Variants in MRPS23 observed in about 807,000 individuals in gnomAD.
The protein encoded by MRPS23 is mitochondrial ribosomal protein S23.
A neutral mutation model predicts 19.8 loss-of-function variants in MRPS23; 14 were observed. The observed-to-expected ratio is 0.71, with a 90% CI of 0.47 to 1.11. The LOEUF (loss-of-function observed/expected upper bound fraction) is 1.11, where lower values mean the gene tolerates loss of function less well. MRPS23 is among the 50% of genes least tolerant of loss of function. The probability of loss-of-function intolerance (pLI) is 0.00; values close to 1 mark genes in which losing one functional copy is unlikely to be tolerated. For missense variants in MRPS23, 242 were observed against 236.7 expected (o/e 1.02, Z -0.15); for synonymous variants, 113 against 89.7 (o/e 1.26, Z -1.47).
At chr17:57,847,479 G>A (rs1476432301) in intron 2 of MRPS23, among the ~76,000 whole-genome samples, 9 of 151,570 alleles carry the variant, frequency 5.9e-5, no homozygotes, top group African/African-American at 9.7e-5. Flanking sequence ...TGGCTAACAC[G>A]GTGAAACCCT....
chr17:57,846,529 G>A (rs1305629484), intron 2 of MRPS23, among the ~76,000 whole-genome samples: 1 of 152,222 alleles, frequency 6.6e-6, no homozygotes, highest in Non-Finnish European at 1.5e-5. Flanking sequence ...TGTCTGTGTG[G>A]AAAGAGGTAG....
chr17:57,846,220 G>T (rs578100839), intron 2 of MRPS23, among the ~76,000 whole-genome samples: 1 of 142,824 alleles, frequency 7.0e-6, no homozygotes, highest in East Asian at 2.0e-4. Context: ...GGCAGCCCCC[G>T]CCTGGCCAGC....
At chr17:57,845,113 G>T (rs2073764391) in intron 2 of MRPS23, among the ~76,000 whole-genome samples, 1 of 152,070 alleles carries the variant, frequency 6.6e-6, no homozygotes, top group Non-Finnish European at 1.5e-5. Context: ...GCCCAGGCTG[G>T]TTTCGAACTC....
intron 2 of MRPS23, among the ~76,000 whole-genome samples, chr17:57,842,879 AAT>A (rs1163576750): frequency 0.027 from 2,652 of 99,196 alleles, 84 homozygotes; most frequent in African/African-American, 0.056. Context: ...AAAAAAAAAA[AAT>A]ATATATATAT....
intron 2 of MRPS23, 103 bp downstream of exon 2, chr17:57,849,137 C>A: frequency 6.8e-7 from 1 of 1,471,184 alleles, no homozygotes; most frequent in Non-Finnish European, 9.2e-7. Flanking sequence ...CTCCACAGGG[C>A]AAACCCCTGA....
Position 57,838,935 on chromosome 17 carries a change from T to C in MRPS23, c.*848A>G, listed in dbSNP as rs1231166844. The C allele has an allele frequency of 1.3e-5, 2 of 152,238 alleles. No homozygotes were observed. The highest frequency in any genetic ancestry group is 2.4e-5 in the African/African-American group (1 of 41,450). 9.4% of individuals were successfully genotyped at this position (152,238 alleles called of 1,614,324 possible). A position where few individuals can be genotyped will look rare whatever the true frequency, so the allele number is the denominator to read the frequency against. On this transcript the variant is annotated 3_prime_UTR_variant, in exon 5 of 5. Coordinates refer to ENST00000313608, the MANE Select transcript of MRPS23 (RefSeq NM_016070.4). The stretch of plus-strand genomic sequence containing the variant: ...TACAAAGGCTGCAATCTCAGAGGGA[T>C]ATTTCATGTATTTAGTAAAACCTGG...
In MRPS23 at chr17:57,841,001, C is replaced by A. The variant is rs145979934; in HGVS notation, c.345G>T (p.Glu115Asp). Residue 115 changes from glutamate to aspartate, a missense_variant, in exon 4 of 5, where the codon GAG (glutamate) becomes GAT (aspartate). By Grantham distance (45) the Glu-to-Asp change is conservative. Transcript: ENST00000313608. The part of the protein sequence containing the change: ...ELQKLGETDE[E>D]KLFVETGKAL... ...CCTTCCCTGTTTCCACAAATAACTT[C>A]TCTTCATCTGTTTCTCCAAGTTTCT... The A allele has an allele frequency of 2.2e-5, 35 of 1,614,090 alleles. No individual in the cohort carries two copies. In the African/African-American group the frequency reaches 2.8e-4, roughly 13 times the overall value.
rs371617294 is a variant in MRPS23, at chr17:57,849,288, G to T, written c.167C>A (p.Ala56Asp). The T allele has an allele frequency of 1.2e-5, 20 of 1,614,098 alleles. No individual in the cohort carries two copies. The highest frequency in any genetic ancestry group is 8.5e-7 in the Non-Finnish European group (1 of 1,180,048). The part of the protein sequence containing the change: ...FQRPRVRYGK[A>D]KAPIQDIWYH... ...CCAGATGTCTTGGATGGGAGCTTTG[G>T]CTTTGCCATATCGCACTCGAGGCCT... Residue 56 changes from alanine (A) to aspartate (D), a missense_variant, in exon 2 of 5, where the codon GCC becomes GAC. Ala to Asp is a moderately radical substitution (Grantham distance 126). Coordinates refer to ENST00000313608, the MANE Select transcript of MRPS23 (RefSeq NM_016070.4).
intron 2 of MRPS23, among the ~76,000 whole-genome samples, chr17:57,843,644 C>T (rs2073754407): frequency 6.6e-6 from 1 of 152,178 alleles, no homozygotes; most frequent in Admixed American, 6.5e-5. Context: ...CTTGCTACCA[C>T]TCTCTGCTCC....
In MRPS23 at chr17:57,834,785, T is replaced by C. The variant is rs530023259; in HGVS notation, c.*4998A>G. 2.1e-4 allele frequency: 32 copies of C among 152,342 alleles called. No homozygotes were observed. The highest frequency in any genetic ancestry group is 7.7e-4 in the African/African-American group (32 of 41,584). 9.4% of individuals were successfully genotyped at this position (152,342 alleles called of 1,614,324 possible). A position where few individuals can be genotyped will look rare whatever the true frequency, so the allele number is the denominator to read the frequency against. On this transcript the variant is annotated 3_prime_UTR_variant, in exon 5 of 5. Transcript: ENST00000313608. Reference sequence around the variant, plus strand: ...AAAAAAGAAATCTGCTGAAGGTTTTTAAGTGGCACGCCATCATTTATTTAC... The same window carrying C: ...AAAAAAGAAATCTGCTGAAGGTTTTCAAGTGGCACGCCATCATTTATTTAC...
In MRPS23 at chr17:57,839,917, C is replaced by T. The variant is rs761410726; in HGVS notation, c.439G>A (p.Val147Ile). 3.1e-6 allele frequency: 5 copies of T among 1,614,172 alleles called. No homozygotes were observed. Among genetic ancestry groups the T allele is most frequent in the African/African-American group, 2.7e-5 (2 of 75,048 alleles). ...CTCAAGTGTTCGGATTTCCGGGAAA[C>T]GTGACTACCTCCGTGTTGCTTAAAA... is the stretch of plus-strand genomic sequence containing the variant. Reference protein sequence around the residue: ...EARTQHGGSHVSRKSEHLSVR... With the variant: ...EARTQHGGSHISRKSEHLSVR... The change falls in exon 5 of 5, where the codon GTT becomes ATT. Residue 147 changes from valine to isoleucine, a missense_variant. Transcript: ENST00000313608.
intron 4 of MRPS23, 137 bp downstream of exon 4, chr17:57,840,789 C>T: frequency 8.6e-7 from 1 of 1,167,244 alleles, no homozygotes. Flanking sequence ...AGGTTATATG[C>T]AAAAACCACA....
Position 57,849,953 on chromosome 17 carries a change from C to A in MRPS23, c.44+14G>T. ...GGGAGGCACCCTCAGCCCACCACGGCTGGGAGCACACACCGAGAGAAGATG... is the reference window on the plus strand; with the variant it reads ...GGGAGGCACCCTCAGCCCACCACGGATGGGAGCACACACCGAGAGAAGATG... On this transcript the variant is annotated intron_variant, in intron 1 of 4. Transcript: ENST00000313608. 6.3e-7 allele frequency: 1 copy of A among 1,584,692 alleles called. No individual in the cohort carries two copies.
At chr17:57,843,568 G>A (rs2073754017) in intron 2 of MRPS23, among the ~76,000 whole-genome samples, 1 of 152,128 alleles carries the variant, frequency 6.6e-6, no homozygotes, top group Non-Finnish European at 1.5e-5. Context: ...GGCTTTGGGA[G>A]GTAATCAGGT....
At chr17:57,844,112 T>C (rs1235045639) in intron 2 of MRPS23, among the ~76,000 whole-genome samples, 1 of 151,266 alleles carries the variant, frequency 6.6e-6, no homozygotes, top group Non-Finnish European at 1.5e-5. Flanking sequence ...TTTATTTTGT[T>C]GTAAGTTCCT....
intron 2 of MRPS23, among the ~76,000 whole-genome samples, chr17:57,842,891 TACACACACACAC>T (rs35501487): frequency 1.3e-4 from 10 of 76,572 alleles, no homozygotes; most frequent in African/African-American, 3.0e-4. Flanking sequence ...TATATATATA[TACACACACACAC>T]ACACACACAC....
Position 57,849,389 on chromosome 17 carries a change from G to A in MRPS23, c.66C>T (p.Ala22=), listed in dbSNP as rs755842412. Residue 22 remains alanine (A), a synonymous_variant, in exon 2 of 5, where the codon GCC becomes GCT. Transcript: ENST00000313608. ...ACAGGGGCTTCTCCTTCAGCACCCC[G>A]GCCCGAACCAGGTCCCGAGTCCTTA... ...IFSRTRDLVR[A]GVLKEKPLWF... 2.5e-6 allele frequency: 4 copies of A among 1,614,018 alleles called. No individual in the cohort carries two copies. The highest frequency in any genetic ancestry group is 1.7e-5 in the Admixed American group (1 of 60,022).
chr17:57,847,466 TC>T (rs1226099940), intron 2 of MRPS23, among the ~76,000 whole-genome samples: 5 of 151,432 alleles, frequency 3.3e-5, no homozygotes, highest in Admixed American at 2.0e-4. Flanking sequence ...ATTGAGACCA[TC>T]CTGGCTAACA....
chr17:57,844,425 A>T (rs192152964), intron 2 of MRPS23, among the ~76,000 whole-genome samples: 1 of 151,488 alleles, frequency 6.6e-6, no homozygotes, highest in Admixed American at 6.6e-5. Context: ...ATATTCTGAC[A>T]ATAGTAAAAA....
Sources: gnomAD v4.1 joint callset for allele counts (sites outside exome capture counted in the v4.1 genomes callset) on GRCh38, gnomAD v4.1.1 for gene constraint, MANE v1.5 for transcripts, NCBI Gene and HGNC (gene_info 2026-07-23, HGNC 2026-07-21) for gene names.